The following FBN2 variants were observed in gnomAD, a reference collection of about 807,000 sequenced individuals.
The protein encoded by FBN2 is fibrillin-2.
FBN2 carries 105 observed loss-of-function variants against 355.6 expected under a neutral mutation model. That is an observed-to-expected ratio of 0.30 (90% CI 0.25 to 0.35). The LOEUF is 0.35. FBN2 is among the 10% of genes least tolerant of loss of function. The probability of loss-of-function intolerance (pLI) is 1.00; values close to 1 mark genes in which losing one functional copy is unlikely to be tolerated. For synonymous variants in FBN2, 1,350 were observed against 1,301.2 expected (o/e 1.04, Z -0.81); for missense variants, 3,280 against 3,758.7 (o/e 0.87, Z 3.33).
Position 128,258,489 on chromosome 5 carries a change from T to C in FBN2, c.*966A>G, listed in dbSNP as rs535130615. The C allele has an allele frequency of 2.6e-5, 4 of 152,762 alleles. No individual in the cohort carries two copies. The highest frequency in any genetic ancestry group is 2.6e-4 in the Admixed American group (4 of 15,304). 9.5% of individuals were successfully genotyped at this position (152,762 alleles called of 1,614,324 possible). On this transcript the variant is annotated 3_prime_UTR_variant, in exon 65 of 65. Coordinates refer to ENST00000262464, the MANE Select transcript of FBN2 (RefSeq NM_001999.4). The stretch of plus-strand genomic sequence containing the variant: ...TTGAACATAATAAATGCACCATTAT[T>C]TAAGACAGCACGAAACACCACAGAA...
At chr5:128,290,919 T>C (rs755458447) in intron 49 of FBN2, 35 bp from the exon 50 acceptor site, 1 of 1,592,118 alleles carries the variant, frequency 6.3e-7, no homozygotes, top group Non-Finnish European at 8.6e-7. Context: ...GATGGAATTA[T>C]TTTGTAACAC....
chr5:128,507,216 G>A (rs537371253), intron 5 of FBN2, among the ~76,000 whole-genome samples: 4 of 152,124 alleles, frequency 2.6e-5, no homozygotes, highest in South Asian at 2.1e-4. Context: ...TTTTCTTCAT[G>A]AGAAGGTTTT....
At chr5:128,488,644 C>T (rs536014211) in intron 5 of FBN2, among the ~76,000 whole-genome samples, 257 of 151,718 alleles carry the variant, frequency 1.7e-3, no homozygotes, top group Non-Finnish European at 3.1e-3. Context: ...AATGCTATCC[C>T]TCCCCCTTCC....
Position 128,302,661 on chromosome 5 carries a change from C to T in FBN2, c.5917+312G>A, listed in dbSNP as rs374245553. ...AGACAATGAAGGGTCTATTTTTGATCTCATTAAGGAAATACAAATACCCTA... is the reference window on the plus strand; with the variant it reads ...AGACAATGAAGGGTCTATTTTTGATTTCATTAAGGAAATACAAATACCCTA... On this transcript the variant is annotated intron_variant, in intron 46 of 64. Transcript: ENST00000262464. Among the ~76,000 whole-genome samples the T allele has an allele frequency of 2.6e-5, 4 of 152,246 alleles. No homozygotes were observed. In the East Asian group the frequency reaches 5.8e-4, roughly 22 times the overall value.
At chr5:128,313,941 C>G (rs1008403954) in intron 36 of FBN2, among the ~76,000 whole-genome samples, 33 of 150,210 alleles carry the variant, frequency 2.2e-4, no homozygotes, top group Non-Finnish European at 4.0e-4. Flanking sequence ...TTAATCACTA[C>G]CAACTGAGTT....
intron 61 of FBN2, among the ~76,000 whole-genome samples, chr5:128,273,606 A>G (rs1271348862): frequency 6.6e-6 from 1 of 152,220 alleles, no homozygotes; most frequent in Non-Finnish European, 1.5e-5. Flanking sequence ...TGATTAGTCA[A>G]CAGTTACTTT....
intron 5 of FBN2, among the ~76,000 whole-genome samples, chr5:128,508,658 G>A (rs1021894296): frequency 4.6e-5 from 7 of 151,826 alleles, no homozygotes; most frequent in Non-Finnish European, 7.4e-5. Context: ...TACCCACATA[G>A]TTACGTTTTT....
rs144059838 is a variant in FBN2 at position 128,329,088 on chromosome 5, C to T, written c.4346-267G>A. 2.9e-3 allele frequency among the ~76,000 whole-genome samples: 437 copies of T among 152,202 alleles called. 2 individuals carry two copies. Among genetic ancestry groups the T allele is most frequent in the African/African-American group, 5.9e-3 (245 of 41,524 alleles). ...ATTGTAATATTATTAATAGGAGAAACGCAGACATCTCTCACATTTGTCTTG... is the reference window on the plus strand; with the variant it reads ...ATTGTAATATTATTAATAGGAGAAATGCAGACATCTCTCACATTTGTCTTG... On this transcript the variant is annotated intron_variant, in intron 33 of 64. Coordinates refer to ENST00000262464, the MANE Select transcript of FBN2 (RefSeq NM_001999.4).
intron 56 of FBN2, 98 bp from the exon 57 acceptor site, chr5:128,278,939 G>A (rs1197264510): frequency 8.6e-6 from 8 of 935,382 alleles, no homozygotes; most frequent in Non-Finnish European, 1.3e-5. Context: ...TCCTCCTTAG[G>A]AATAATTAAG....
chr5:128,355,430 T>A (rs939867679), intron 20 of FBN2, among the ~76,000 whole-genome samples: 12 of 152,352 alleles, frequency 7.9e-5, no homozygotes, highest in African/African-American at 2.6e-4. Context: ...GTTTGCAGAA[T>A]AGTTGAAGAT....
At chr5:128,519,479 GTTAA>G (rs1341903245) in intron 4 of FBN2, 111 bp from the exon 5 acceptor site, 1 of 785,340 alleles carries the variant, frequency 1.3e-6, no homozygotes, top group Non-Finnish European at 2.2e-6. Flanking sequence ...AGTACATTAT[GTTAA>G]TTAAACTGCA....
intron 34 of FBN2, among the ~76,000 whole-genome samples, chr5:128,326,814 T>C (rs1162317418): frequency 6.6e-6 from 1 of 152,044 alleles, no homozygotes; most frequent in Non-Finnish European, 1.5e-5. Flanking sequence ...GTTAGGAGTT[T>C]CTCTCTGTGG....
chr5:128,418,323 G>A (rs1039885399), intron 7 of FBN2, among the ~76,000 whole-genome samples: 2 of 151,748 alleles, frequency 1.3e-5, no homozygotes, highest in African/African-American at 4.8e-5. Context: ...CCTTTGTATT[G>A]TTTTTTCAGT....
chr5:128,390,573 A>C (rs79727348), intron 11 of FBN2, among the ~76,000 whole-genome samples: 7,678 of 152,272 alleles, frequency 0.05, 284 homozygotes, highest in East Asian at 0.083. Context: ...CCTTGAATAT[A>C]CATTTTTAAA....
chr5:128,331,482 G>A (rs1750690559), intron 32 of FBN2, among the ~76,000 whole-genome samples: 1 of 152,160 alleles, frequency 6.6e-6, no homozygotes, highest in African/African-American at 2.4e-5. Flanking sequence ...TGAAGCTAGA[G>A]AGACAGTGGA....
chr5:128,376,977 T>G, intron 13 of FBN2, 124 bp from the exon 14 acceptor site: 1 of 1,241,840 alleles, frequency 8.1e-7, no homozygotes, highest in Non-Finnish European at 1.2e-6. Flanking sequence ...GGCTTTTAGT[T>G]TTTTTTAAAA....
chr5:128,464,957 T>C (rs571190113), intron 5 of FBN2, 36 bp from the exon 6 acceptor site: 1 of 1,591,750 alleles, frequency 6.3e-7, no homozygotes, highest in South Asian at 1.1e-5. Context: ...ACAGGTTTTA[T>C]GATCATATAC....
intron 14 of FBN2, 109 bp from the exon 15 acceptor site, chr5:128,374,859 A>G (rs111375781): frequency 8.5e-7 from 1 of 1,182,674 alleles, no homozygotes; most frequent in East Asian, 2.5e-5. Flanking sequence ...TTATAACTTT[A>G]TAATTTGTGA....
intron 11 of FBN2, among the ~76,000 whole-genome samples, chr5:128,379,291 A>T (rs949596094): frequency 6.6e-6 from 1 of 152,148 alleles, no homozygotes; most frequent in East Asian, 1.9e-4. Context: ...CTGAAGATAT[A>T]TATTTATGTT....
Sources: allele counts gnomAD v4.1 joint callset (sites outside exome capture counted in the v4.1 genomes callset), GRCh38; gene constraint gnomAD v4.1.1; transcripts MANE v1.5; gene names NCBI Gene and HGNC (gene_info 2026-07-23, HGNC 2026-07-21).